Variants in ADAMTSL3 observed in about 807,000 individuals in gnomAD.
ADAMTSL3 encodes the protein ADAMTS like 3, also known as ADAMTS-like protein 3.
A neutral mutation model predicts 201.7 loss-of-function variants in ADAMTSL3; 128 were observed. The ratio of observed to expected loss-of-function variants is 0.63; its 90% CI spans 0.55 to 0.73. The LOEUF (loss-of-function observed/expected upper bound fraction) is 0.73. ADAMTSL3 is among the 30% of genes least tolerant of loss of function. The pLI is 0.00. For missense variants in ADAMTSL3, 1,990 were observed against 2,119.6 expected (o/e 0.94, Z 1.20); for synonymous variants, 738 against 748.4 (o/e 0.99, Z 0.23).
chr15:83,770,992 A>C (rs1391686795), intron 3 of ADAMTSL3, among the ~76,000 whole-genome samples: 1 of 152,006 alleles, frequency 6.6e-6, no homozygotes, highest in South Asian at 2.1e-4. Context: ...GCTTGAACCC[A>C]CCCAGGAGGT....
chr15:83,751,127 C>T (rs1444878090), intron 3 of ADAMTSL3, among the ~76,000 whole-genome samples: 1 of 152,092 alleles, frequency 6.6e-6, no homozygotes, highest in Non-Finnish European at 1.5e-5. Context: ...ATGGTTTGTT[C>T]TGTAATTACA....
chr15:83,884,498 C>T (rs1031783111), intron 9 of ADAMTSL3, among the ~76,000 whole-genome samples: 6 of 151,742 alleles, frequency 4.0e-5, no homozygotes, highest in African/African-American at 1.5e-4. Context: ...TGGTCTCGAA[C>T]TCCTGACCTC....
At position 83,743,370 on chromosome 15, in the gene ADAMTSL3, G is replaced by A. The variant is rs568560773; in HGVS notation, c.190-30153G>A. Among the ~76,000 whole-genome samples, 13 of 151,814 alleles carry A rather than the reference G, an allele frequency of 8.6e-5. No individual in the cohort carries two copies. The South Asian group carries it at 1.5e-3, about 17-fold the overall frequency. On this transcript the variant is annotated intron_variant, in intron 3 of 29. Transcript: ENST00000286744. ...CTACTAAAAATACAAAAAATTAGCC[G>A]GGCGCGGTGGCGGGCGCCTGTAGTC...
At chr15:84,033,944 C>CT (rs1046452301) in intron 28 of ADAMTSL3, among the ~76,000 whole-genome samples, 3 of 152,026 alleles carry the variant, frequency 2.0e-5, no homozygotes, top group South Asian at 4.2e-4. Context: ...AAAGGGTAGA[C>CT]TTTTTTTTAA....
chr15:83,974,943 A>C (rs1202028710), intron 20 of ADAMTSL3, among the ~76,000 whole-genome samples: 1 of 138,982 alleles, frequency 7.2e-6, no homozygotes, highest in East Asian at 2.1e-4. Context: ...TCTCAAATCT[A>C]CTCTCATCTC....
At chr15:83,734,623 G>A (rs59400918) in intron 3 of ADAMTSL3, among the ~76,000 whole-genome samples, 6,521 of 151,988 alleles carry the variant, frequency 0.043, 426 homozygotes, top group African/African-American at 0.15. Context: ...TCAGGTATGG[G>A]TGTAGCCATT....
chr15:83,660,162 G>T (rs2061143290), intron 2 of ADAMTSL3, among the ~76,000 whole-genome samples: 1 of 152,156 alleles, frequency 6.6e-6, no homozygotes. Context: ...GCTGAGAGAG[G>T]CTGGCAAAGT....
At chr15:83,789,814 T>G (rs1205342091) in intron 4 of ADAMTSL3, among the ~76,000 whole-genome samples, 1 of 152,146 alleles carries the variant, frequency 6.6e-6, no homozygotes, top group Non-Finnish European at 1.5e-5. Flanking sequence ...CATGCCAAAG[T>G]AAGGGAGGTC....
intron 22 of ADAMTSL3, among the ~76,000 whole-genome samples, chr15:83,989,782 A>G (rs1443675402): frequency 2.0e-5 from 3 of 152,278 alleles, no homozygotes; most frequent in East Asian, 3.8e-4. Context: ...ACATTTTAAA[A>G]TGGACGTTTG....
At chr15:83,703,278 C>CT (rs2061800966) in intron 2 of ADAMTSL3, among the ~76,000 whole-genome samples, 1 of 152,120 alleles carries the variant, frequency 6.6e-6, no homozygotes, top group African/African-American at 2.4e-5. Context: ...TCAAATGAGA[C>CT]TTTGGACTGT....
At position 83,931,238 on chromosome 15, in the gene ADAMTSL3, A is replaced by G. The variant is rs934470944; in HGVS notation, c.2117+7205A>G. Among the ~76,000 whole-genome samples the G allele has an allele frequency of 2.6e-5, 4 of 152,338 alleles. No homozygotes were observed. The South Asian group carries it at 8.3e-4, about 32-fold the overall frequency. On this transcript the variant is annotated intron_variant, in intron 17 of 29. Coordinates refer to ENST00000286744, the MANE Select transcript of ADAMTSL3 (RefSeq NM_207517.3). ...GGAAGAAAGGAGGAAAGCAAGAGGC[A>G]ATAGTGATGTGTTTCTGTACCAGCT... is the stretch of plus-strand genomic sequence containing the variant.
chr15:83,886,497 G>T (rs945118269), intron 10 of ADAMTSL3, among the ~76,000 whole-genome samples: 1 of 152,176 alleles, frequency 6.6e-6, no homozygotes, highest in African/African-American at 2.4e-5. Flanking sequence ...AAACAGTGCA[G>T]CTAGGATCTG....
intron 8 of ADAMTSL3, among the ~76,000 whole-genome samples, chr15:83,866,740 C>G (rs866687626): frequency 1.3e-5 from 2 of 151,926 alleles, no homozygotes; most frequent in Admixed American, 1.3e-4. Flanking sequence ...GTATGTGTAT[C>G]CTAAAACTTA....
intron 29 of ADAMTSL3, among the ~76,000 whole-genome samples, 190 bp downstream of exon 29, chr15:84,037,177 G>A (rs995939921): frequency 6.6e-6 from 1 of 152,168 alleles, no homozygotes; most frequent in Non-Finnish European, 1.5e-5. Context: ...GCAGCTGCAT[G>A]TTCTCTAGAG....
chr15:83,867,183 A>G (rs955105502), intron 8 of ADAMTSL3, among the ~76,000 whole-genome samples: 1 of 152,234 alleles, frequency 6.6e-6, no homozygotes, highest in Non-Finnish European at 1.5e-5. Flanking sequence ...AACTATAACT[A>G]TCCAAAAGAC....
At position 83,983,364 on chromosome 15, in the gene ADAMTSL3, A is replaced by T. The variant is rs201131184; in HGVS notation, c.3716+20A>T. On this transcript the variant is annotated intron_variant, in intron 21 of 29. Coordinates refer to ENST00000286744, the MANE Select transcript of ADAMTSL3 (RefSeq NM_207517.3). The stretch of plus-strand genomic sequence containing the variant: ...AGTAAAGTAAGTAAAATAAAAATGC[A>T]GTATTCATTTTTGCACTACCTTCTT... 6.9e-7 allele frequency: 1 copy of T among 1,444,950 alleles called. No individual in the cohort carries two copies. Among genetic ancestry groups the T allele is most frequent in the African/African-American group, 1.4e-5 (1 of 69,862 alleles). 89.5% of individuals were successfully genotyped at this position (1,444,950 alleles called of 1,614,324 possible). A position where few individuals can be genotyped will look rare whatever the true frequency, so the allele number is the denominator to read the frequency against.
Position 83,962,878 on chromosome 15 carries a change from A to T in ADAMTSL3, c.2491-7606A>T, listed in dbSNP as rs971324376. Among the ~76,000 whole-genome samples the T allele has an allele frequency of 5.3e-5, 8 of 152,320 alleles. No individual in the cohort carries two copies. In the East Asian group the frequency reaches 1.5e-3, roughly 29 times the overall value. Reference sequence around the variant, plus strand: ...CAGCCCATGGAGGGCCAGCTGAAGCATGGTGGGGTGTCTCCTTACCTGGGA... The same window carrying T: ...CAGCCCATGGAGGGCCAGCTGAAGCTTGGTGGGGTGTCTCCTTACCTGGGA... On this transcript the variant is annotated intron_variant, in intron 19 of 29. Coordinates refer to ENST00000286744, the MANE Select transcript of ADAMTSL3 (RefSeq NM_207517.3).
chr15:83,716,977 C>T (rs560602123), intron 3 of ADAMTSL3, among the ~76,000 whole-genome samples: 9 of 152,022 alleles, frequency 5.9e-5, no homozygotes, highest in East Asian at 1.9e-4. Flanking sequence ...TTTGCTTTTG[C>T]GTTAGGTTTA....
At chr15:83,845,397 A>T (rs2064476624) in intron 7 of ADAMTSL3, among the ~76,000 whole-genome samples, 1 of 152,186 alleles carries the variant, frequency 6.6e-6, no homozygotes, top group South Asian at 2.1e-4. Flanking sequence ...TTCGCTGGAG[A>T]TGATTCTGCT....
Sources: gnomAD v4.1 joint callset for allele counts (sites outside exome capture counted in the v4.1 genomes callset) on GRCh38, gnomAD v4.1.1 for gene constraint, MANE v1.5 for transcripts, NCBI Gene and HGNC (gene_info 2026-07-23, HGNC 2026-07-21) for gene names.